Variants in OCA2 observed in about 807,000 individuals in gnomAD.
OCA2 encodes OCA2 melanosomal transmembrane protein, also known as P protein.
Under a neutral mutation model 100.2 loss-of-function variants are expected in OCA2, and 77 were observed. The observed-to-expected ratio is 0.77, with a 90% CI of 0.64 to 0.93. OCA2 has a LOEUF of 0.93. Among genes scored for constraint, OCA2 ranks in the 40% least tolerant of loss-of-function variants. The pLI is 0.00. For synonymous variants in OCA2, 432 were observed against 439.2 expected (o/e 0.98, Z 0.21); for missense variants, 1,062 against 1,089.1 (o/e 0.98, Z 0.35).
intron 23 of OCA2, among the ~76,000 whole-genome samples, chr15:27,807,907 C>G (rs2033921764): frequency 6.6e-6 from 1 of 152,224 alleles, no homozygotes; most frequent in Non-Finnish European, 1.5e-5. Context: ...ACCGTCAGCT[C>G]CACGAGGGCA....
At chr15:27,976,226 C>T (rs1055750222) in intron 14 of OCA2, among the ~76,000 whole-genome samples, 1 of 152,152 alleles carries the variant, frequency 6.6e-6, no homozygotes, top group South Asian at 2.1e-4. Flanking sequence ...TTAATTCTTC[C>T]TTACCAATAT....
chr15:28,005,421 T>C (rs899188480), intron 9 of OCA2, among the ~76,000 whole-genome samples: 1 of 152,136 alleles, frequency 6.6e-6, no homozygotes. Flanking sequence ...CACCCTCCTC[T>C]GGTCCTGCAG....
intron 9 of OCA2, among the ~76,000 whole-genome samples, chr15:28,000,659 C>G (rs1412285667): frequency 6.6e-6 from 1 of 152,070 alleles, no homozygotes; most frequent in Non-Finnish European, 1.5e-5. Context: ...AGGAAACAAA[C>G]AACAAAATGA....
the OCA2 span, among the ~76,000 whole-genome samples, chr15:27,749,602 T>G: frequency 2.6e-5 from 4 of 152,104 alleles, no homozygotes; most frequent in Non-Finnish European, 5.9e-5. Context: ...CCAAGGAATT[T>G]TTTTTTTAAT....
intron 23 of OCA2, among the ~76,000 whole-genome samples, chr15:27,771,466 T>C (rs1374471227): frequency 2.6e-5 from 4 of 151,634 alleles, no homozygotes; most frequent in African/African-American, 9.7e-5. Context: ...GCGTGGGTTC[T>C]CCAGGCAGCG....
rs79521957 is a variant in OCA2 at position 28,093,032 on chromosome 15, G to C, written c.-22+6192C>G. ...GTAAAATGGGCAAAGATTTCACTAAGGAGGATATGCACACGGCAACTAAGC... is the reference window on the plus strand; with the variant it reads ...GTAAAATGGGCAAAGATTTCACTAACGAGGATATGCACACGGCAACTAAGC... On this transcript the variant is annotated intron_variant, in intron 1 of 23. Transcript: ENST00000354638. Among the ~76,000 whole-genome samples, 870 of 152,186 alleles carry C rather than the reference G, an allele frequency of 5.7e-3. 67 individuals are homozygous for C. The East Asian group carries it at 0.16, about 29-fold the overall frequency.
At chr15:27,983,228 C>T (rs112167419) in intron 14 of OCA2, 117 bp downstream of exon 14, 53 of 1,267,050 alleles carry the variant, frequency 4.2e-5, no homozygotes, top group African/African-American at 2.6e-4. Context: ...GTAGCACTTA[C>T]TGTGAAGAGG....
intron 19 of OCA2, among the ~76,000 whole-genome samples, chr15:27,912,477 C>G (rs2140267625): frequency 6.6e-6 from 1 of 152,254 alleles, no homozygotes; most frequent in East Asian, 1.9e-4. Flanking sequence ...GACACCGAAG[C>G]TGCTCCCAGT....
intron 21 of OCA2, among the ~76,000 whole-genome samples, chr15:27,852,271 T>C (rs1205046236): frequency 6.6e-6 from 1 of 152,222 alleles, no homozygotes; most frequent in East Asian, 1.9e-4. Context: ...TTCAGCTTTC[T>C]ACATATGGCT....
At position 27,771,530 on chromosome 15, in the gene OCA2, A is replaced by G. The variant is rs537956113; in HGVS notation, c.2433-16058T>C. Among the ~76,000 whole-genome samples, 76 of 152,342 alleles carry G rather than the reference A, an allele frequency of 5.0e-4. 2 individuals are homozygous for G. The highest frequency in any genetic ancestry group is 1.2e-3 in the African/African-American group (51 of 41,588). ...GGCCGAGTCCAGCTGAGGTGGCTGCAGGGGTGACTTTGAGACTTGTGTTCC... is the reference window on the plus strand; with the variant it reads ...GGCCGAGTCCAGCTGAGGTGGCTGCGGGGGTGACTTTGAGACTTGTGTTCC... On this transcript the variant is annotated intron_variant, in intron 23 of 23. Coordinates refer to ENST00000354638, the MANE Select transcript of OCA2 (RefSeq NM_000275.3).
the OCA2 span, among the ~76,000 whole-genome samples, chr15:27,745,489 G>A: frequency 6.6e-6 from 1 of 152,138 alleles, no homozygotes; most frequent in Non-Finnish European, 1.5e-5. Context: ...ACCTCTAGCG[G>A]CTAGAAATAC....
intron 9 of OCA2, among the ~76,000 whole-genome samples, chr15:28,000,425 A>G (rs2041890842): frequency 6.6e-6 from 1 of 152,078 alleles, no homozygotes; most frequent in Non-Finnish European, 1.5e-5. Flanking sequence ...AAAGAATGAA[A>G]GTGGACCCTA....
chr15:27,769,938 A>AGGCTCATCCTCAGCCCCC (rs1351749349), intron 23 of OCA2, among the ~76,000 whole-genome samples: 5 of 149,528 alleles, frequency 3.3e-5, no homozygotes, highest in African/African-American at 1.3e-4. Flanking sequence ...CCTCAGGACC[A>AGGCTCATCCTCAGCCCCC]GGCTCATCCT....
In OCA2 at chr15:27,851,494, T is replaced by C. The variant is rs759814405; in HGVS notation, c.2245-19A>G. 10 of 1,599,284 alleles carry C rather than the reference T, an allele frequency of 6.3e-6. No individual in the cohort carries two copies. The highest frequency in any genetic ancestry group is 1.7e-5 in the Admixed American group (1 of 59,412). Reference sequence around the variant, plus strand: ...CGGGAATCTGTGGAGGAAGAGGACATTGATGCCACGTCCCATGGACGCTCA... The same window carrying C: ...CGGGAATCTGTGGAGGAAGAGGACACTGATGCCACGTCCCATGGACGCTCA... On this transcript the variant is annotated intron_variant, in intron 21 of 23. Coordinates refer to ENST00000354638, the MANE Select transcript of OCA2 (RefSeq NM_000275.3).
At chr15:27,791,315 A>T (rs1388152230) in intron 23 of OCA2, among the ~76,000 whole-genome samples, 1 of 152,226 alleles carries the variant, frequency 6.6e-6, no homozygotes, top group Non-Finnish European at 1.5e-5. Context: ...AATGAGTAGG[A>T]TCCTACACAG....
intron 23 of OCA2, among the ~76,000 whole-genome samples, chr15:27,827,492 A>G (rs2034777437): frequency 6.6e-6 from 1 of 152,094 alleles, no homozygotes; most frequent in South Asian, 2.1e-4. Flanking sequence ...GCCAAATCCA[A>G]TGTGCAAGTC....
chr15:27,930,225 T>C lies in OCA2; in HGVS notation c.1952-3971A>G, dbSNP rs547009126. Among the ~76,000 whole-genome samples the C allele has an allele frequency of 2.6e-5, 4 of 152,122 alleles. No individual in the cohort carries two copies. The South Asian group carries it at 8.3e-4, about 32-fold the overall frequency. On this transcript the variant is annotated intron_variant, in intron 18 of 23. Transcript: ENST00000354638. ...AGTCTTAGTTTTGATGGTCAAGAACTGGAAACAATTCAAATATCCATCAAC... is the reference window on the plus strand; with the variant it reads ...AGTCTTAGTTTTGATGGTCAAGAACCGGAAACAATTCAAATATCCATCAAC...
At chr15:27,889,316 T>TA (rs2037359833) in intron 19 of OCA2, among the ~76,000 whole-genome samples, 2 of 152,204 alleles carry the variant, frequency 1.3e-5, no homozygotes, top group African/African-American at 4.8e-5. Flanking sequence ...CTAGCACATG[T>TA]AGTAGGATAA....
chr15:27,989,412 C>G (rs557341608), intron 11 of OCA2, among the ~76,000 whole-genome samples, 189 bp downstream of exon 11: 1 of 152,266 alleles, frequency 6.6e-6, no homozygotes, highest in South Asian at 2.1e-4. Flanking sequence ...GGCTGAAATT[C>G]TCCCGCCCAC....
Sources: allele counts gnomAD v4.1 joint callset (sites outside exome capture counted in the v4.1 genomes callset), GRCh38; gene constraint gnomAD v4.1.1; transcripts MANE v1.5; gene names NCBI Gene and HGNC (gene_info 2026-07-23, HGNC 2026-07-21).